Variants in MAP4K3 observed in about 807,000 individuals in gnomAD.
MAP4K3 encodes mitogen-activated protein kinase kinase kinase kinase 3, also known as MAPK/ERK kinase kinase kinase 3.
In MAP4K3, 94 loss-of-function variants were observed where a neutral mutation model predicts 143.5. That is an observed-to-expected ratio of 0.65 (90% confidence interval 0.55 to 0.78). The LOEUF (loss-of-function observed/expected upper bound fraction) is 0.78, where lower values mean the gene tolerates loss of function less well. Ranked by LOEUF, MAP4K3 falls within the 30% of genes least tolerant of loss-of-function variation. The pLI, the probability that MAP4K3 is intolerant of heterozygous loss-of-function variation, is 0.00. For synonymous variants in MAP4K3, 416 were observed against 347.2 expected, an observed-to-expected ratio of 1.20 and a Z score of -2.20; for missense variants, 1,077 against 1,068.1, an observed-to-expected ratio of 1.01 and a Z score of -0.12.
intron 3 of MAP4K3, among the ~76,000 whole-genome samples, chr2:39,350,690 T>C (rs1285091620): frequency 2.0e-5 from 3 of 152,160 alleles, no homozygotes; most frequent in African/African-American, 2.4e-5. Context: ...TACACCATAA[T>C]TAGTTTAACT....
At chr2:39,272,159 T>G (rs1681052563) in intron 26 of MAP4K3, 124 bp downstream of exon 26, 1 of 697,146 alleles carries the variant, frequency 1.4e-6, no homozygotes, top group Non-Finnish European at 2.4e-6. Context: ...TAATGTATAT[T>G]ACTTATTATT....
At chr2:39,329,833 C>T (rs1375352742) in intron 8 of MAP4K3, among the ~76,000 whole-genome samples, 8 of 152,114 alleles carry the variant, frequency 5.3e-5, no homozygotes, top group Admixed American at 2.0e-4. Context: ...GGTTTACACC[C>T]GACTTCCCAA....
intron 3 of MAP4K3, among the ~76,000 whole-genome samples, chr2:39,355,540 AAAAG>A (rs1558663065): frequency 6.6e-6 from 1 of 151,946 alleles, no homozygotes; most frequent in African/African-American, 2.4e-5. Context: ...CCGCCCCCAC[AAAAG>A]AAAGAAAGGA....
chr2:39,363,981 G>T (rs1348475125), intron 2 of MAP4K3, among the ~76,000 whole-genome samples: 2 of 113,074 alleles, frequency 1.8e-5, no homozygotes, highest in African/African-American at 6.2e-5. Flanking sequence ...CACCTGTTCA[G>T]ATAGCCATTA....
chr2:39,392,401 T>A (rs1394105736), intron 1 of MAP4K3, among the ~76,000 whole-genome samples: 1 of 152,148 alleles, frequency 6.6e-6, no homozygotes, highest in Non-Finnish European at 1.5e-5. Flanking sequence ...AACTCAATAT[T>A]GCCTATTATA....
chr2:39,281,237 CACAA>C (rs1445400329), intron 22 of MAP4K3, among the ~76,000 whole-genome samples: 1 of 152,180 alleles, frequency 6.6e-6, no homozygotes. Flanking sequence ...ATGTCTTCCT[CACAA>C]ACACGGAGGT....
At chr2:39,322,956 C>T (rs1021073214) in intron 12 of MAP4K3, among the ~76,000 whole-genome samples, 1 of 152,144 alleles carries the variant, frequency 6.6e-6, no homozygotes, top group African/African-American at 2.4e-5. Flanking sequence ...AGGCATAAGC[C>T]ACTGAGCCCA....
intron 1 of MAP4K3, among the ~76,000 whole-genome samples, chr2:39,380,067 C>A (rs938445638): frequency 3.9e-5 from 6 of 151,984 alleles, no homozygotes; most frequent in Admixed American, 3.9e-4. Flanking sequence ...GTAAATCAGT[C>A]TAGAATTTCC....
intron 2 of MAP4K3, among the ~76,000 whole-genome samples, chr2:39,375,631 C>T (rs539652870): frequency 1.5e-4 from 23 of 152,234 alleles, no homozygotes; most frequent in African/African-American, 4.8e-4. Context: ...TTAAGGCATA[C>T]GTTTAAATTG....
intron 1 of MAP4K3, among the ~76,000 whole-genome samples, chr2:39,399,618 G>A (rs1035087317): frequency 1.3e-5 from 2 of 152,176 alleles, no homozygotes; most frequent in Non-Finnish European, 2.9e-5. Context: ...GTAGTTAAAT[G>A]CAAGGATTTG....
At chr2:39,282,780 G>C (rs12618944) in intron 21 of MAP4K3, among the ~76,000 whole-genome samples, 104,014 of 152,096 alleles carry the variant, frequency 0.68, 39,650 homozygotes, top group Non-Finnish European at 0.84. Flanking sequence ...TCTTTCTCTA[G>C]TGAATTAGAT....
At chr2:39,323,089 C>A (rs1167325153) in intron 12 of MAP4K3, among the ~76,000 whole-genome samples, 9 of 152,118 alleles carry the variant, frequency 5.9e-5, no homozygotes, top group Admixed American at 4.6e-4. Flanking sequence ...AAATCATTTG[C>A]AAATAAAAAA....
chr2:39,267,111 G>T, intron 27 of MAP4K3, 78 bp downstream of exon 27: 1 of 1,314,944 alleles, frequency 7.6e-7, no homozygotes, highest in Non-Finnish European at 1.1e-6. Flanking sequence ...CTGGCAGAAT[G>T]CCCTGGGGTA....
intron 8 of MAP4K3, among the ~76,000 whole-genome samples, chr2:39,327,052 AT>A (rs957537427): frequency 9.9e-5 from 15 of 152,200 alleles, no homozygotes; most frequent in African/African-American, 3.6e-4. Context: ...GTTTATAAAA[AT>A]ATACAATTCT....
intron 1 of MAP4K3, 47 bp downstream of exon 1, chr2:39,436,845 C>T (rs1300695852): frequency 2.6e-6 from 4 of 1,526,364 alleles, no homozygotes; most frequent in Admixed American, 3.6e-5. Flanking sequence ...GGCTTGGCTG[C>T]GGGTCGGGAT....
chr2:39,333,841 G>GT (rs1335248587), intron 6 of MAP4K3, among the ~76,000 whole-genome samples: 1 of 152,064 alleles, frequency 6.6e-6, no homozygotes, highest in Non-Finnish European at 1.5e-5. Context: ...TGATATATTA[G>GT]TTTTCATCAA....
At chr2:39,352,298 AT>A (rs1275695697) in intron 3 of MAP4K3, among the ~76,000 whole-genome samples, 5 of 152,178 alleles carry the variant, frequency 3.3e-5, no homozygotes, top group Non-Finnish European at 5.9e-5. Flanking sequence ...ATCAAAAAAA[AT>A]AAATAAATGA....
intron 1 of MAP4K3, among the ~76,000 whole-genome samples, chr2:39,431,334 G>A (rs1344958165): frequency 6.6e-6 from 1 of 152,164 alleles, no homozygotes; most frequent in Non-Finnish European, 1.5e-5. Context: ...AATGCCTAAG[G>A]AAGTCTCAGA....
intron 3 of MAP4K3, among the ~76,000 whole-genome samples, 171 bp from the exon 4 acceptor site, chr2:39,343,623 G>A (rs1370219017): frequency 6.6e-6 from 1 of 152,070 alleles, no homozygotes; most frequent in Non-Finnish European, 1.5e-5. Context: ...AATATAATGT[G>A]TTACTATAAT....
Sources: gnomAD v4.1 joint callset for allele counts (sites outside exome capture counted in the v4.1 genomes callset) on GRCh38, gnomAD v4.1.1 for gene constraint, MANE v1.5 for transcripts, NCBI Gene and HGNC (gene_info 2026-07-23, HGNC 2026-07-21) for gene names.